NCOA3: variants seen among roughly 807,000 people sequenced by gnomAD.
NCOA3 encodes CBP-interacting protein.
Under a neutral mutation model 158.8 loss-of-function variants are expected in NCOA3, and 51 were observed. That is an observed-to-expected ratio of 0.32 (90% CI 0.26 to 0.41). NCOA3 has a LOEUF of 0.41. Ranked by LOEUF, NCOA3 falls within the 10% of genes least tolerant of loss-of-function variation. The pLI, the probability that NCOA3 is intolerant of heterozygous loss-of-function variation, is 1.00. For synonymous variants in NCOA3, 537 were observed against 592.4 expected (o/e 0.91, Z 1.36); for missense variants, 1,510 against 1,746.6 (o/e 0.86, Z 2.41).
rs911974806 is a variant in NCOA3 at position 47,627,116 on chromosome 20, T to C, written c.472T>C (p.Tyr158His). The C allele has an allele frequency of 1.9e-6, 3 of 1,612,300 alleles. No homozygotes were observed. In the African/African-American group the frequency reaches 4.0e-5, roughly 22 times the overall value. The change falls in exon 6 of 23, where the codon TAC becomes CAC. Residue 158 changes from tyrosine to histidine, a missense_variant. Transcript: ENST00000371998. ...KQEDLVNTSV[Y>H]NILHEEDRKD... is the part of the protein sequence containing the mutation. Reference sequence around the variant, plus strand: ...AGAGGACCTGGTTAACACAAGTGTTTACAATATCTTACATGAAGAAGACAG... The same window carrying C: ...AGAGGACCTGGTTAACACAAGTGTTCACAATATCTTACATGAAGAAGACAG...
intron 1 of NCOA3, among the ~76,000 whole-genome samples, chr20:47,555,632 G>GTTT (rs74178745): frequency 0.018 from 1,139 of 64,198 alleles, 31 homozygotes; most frequent in Non-Finnish European, 0.022. Context: ...CTATTAAAGT[G>GTTT]TTTTTTTTTT....
intron 1 of NCOA3, among the ~76,000 whole-genome samples, chr20:47,504,478 C>CTTTT (rs58220390): frequency 6.4e-4 from 63 of 98,678 alleles, no homozygotes; most frequent in African/African-American, 2.2e-3. Context: ...CTAAGTGTGT[C>CTTTT]TTTTTTTTTT....
intron 1 of NCOA3, among the ~76,000 whole-genome samples, chr20:47,522,606 C>T (rs1047073097): frequency 6.6e-6 from 1 of 151,922 alleles, no homozygotes; most frequent in East Asian, 1.9e-4. Flanking sequence ...GCATAGGGCT[C>T]GGGATTGGTT....
At chr20:47,545,175 T>G (rs1178488962) in intron 1 of NCOA3, among the ~76,000 whole-genome samples, 1 of 4,354 alleles carries the variant, frequency 2.3e-4, no homozygotes, top group Non-Finnish European at 3.7e-4. Context: ...ATCCATAGGA[T>G]TTTTTTTTTT....
rs189122832 is a variant in NCOA3, at chr20:47,580,058, G to A, written c.-98-3125G>A. Among the ~76,000 whole-genome samples, 672 of 152,164 alleles carry A rather than the reference G, an allele frequency of 4.4e-3. 4 individuals carry two copies. The highest frequency in any genetic ancestry group is 8.0e-3 in the Non-Finnish European group (547 of 68,006). ...ATGGTTGCATTCTTTGTTCATCTGG[G>A]CATGCTGACTTTACATGATCTTCCA... On this transcript the variant is annotated intron_variant, in intron 1 of 22. Coordinates refer to ENST00000371998, the MANE Select transcript of NCOA3 (RefSeq NM_181659.3).
intron 1 of NCOA3, among the ~76,000 whole-genome samples, chr20:47,578,111 G>A (rs1159344206): frequency 1.3e-5 from 2 of 151,864 alleles, no homozygotes; most frequent in South Asian, 4.1e-4. Flanking sequence ...AATGGACTAA[G>A]TAATGGGAAA....
intron 2 of NCOA3, among the ~76,000 whole-genome samples, chr20:47,596,612 G>T (rs191340842): frequency 6.6e-6 from 1 of 152,084 alleles, no homozygotes; most frequent in East Asian, 1.9e-4. Context: ...TTTAGACAGG[G>T]TCTCACACTG....
At chr20:47,511,520 T>G (rs866883152) in intron 1 of NCOA3, among the ~76,000 whole-genome samples, 1 of 34,264 alleles carries the variant, frequency 2.9e-5, no homozygotes, top group African/African-American at 7.5e-5. Context: ...TGTATCTCTC[T>G]CGAGATATAT....
intron 9 of NCOA3, 147 bp downstream of exon 9, chr20:47,633,783 AC>A: frequency 1.1e-6 from 1 of 932,120 alleles, no homozygotes; most frequent in Non-Finnish European, 1.6e-6. Context: ...GGTGCACACC[AC>A]CATACCTGGT....
chr20:47,560,643 CAG>C (rs1347634379), intron 1 of NCOA3, among the ~76,000 whole-genome samples: 2 of 152,148 alleles, frequency 1.3e-5, no homozygotes, highest in East Asian at 1.9e-4. Context: ...CCTGTAATAA[CAG>C]ATGATGTTCA....
intron 1 of NCOA3, among the ~76,000 whole-genome samples, chr20:47,546,661 T>A (rs1309451607): frequency 6.6e-6 from 1 of 151,960 alleles, no homozygotes; most frequent in Non-Finnish European, 1.5e-5. Flanking sequence ...CCTCTCGAGT[T>A]GCTGGGATTA....
chr20:47,595,809 T>C (rs1231119993), intron 2 of NCOA3, among the ~76,000 whole-genome samples: 1 of 152,166 alleles, frequency 6.6e-6, no homozygotes, highest in African/African-American at 2.4e-5. Flanking sequence ...GATGTCTCAG[T>C]GTTTTCAAGT....
intron 2 of NCOA3, among the ~76,000 whole-genome samples, chr20:47,587,310 G>A (rs1385984368): frequency 6.6e-6 from 1 of 152,136 alleles, no homozygotes; most frequent in Non-Finnish European, 1.5e-5. Context: ...TGTCCTTGTG[G>A]GGAATAAAAG....
chr20:47,504,021 A>G (rs1713194000), intron 1 of NCOA3, among the ~76,000 whole-genome samples: 1 of 152,202 alleles, frequency 6.6e-6, no homozygotes, highest in Non-Finnish European at 1.5e-5. Flanking sequence ...ATATTTCTAG[A>G]GCAGTTATAG....
intron 8 of NCOA3, among the ~76,000 whole-genome samples, chr20:47,632,820 C>T (rs1201333467): frequency 1.3e-5 from 2 of 150,898 alleles, no homozygotes; most frequent in Non-Finnish European, 2.9e-5. Context: ...GTAGCTGGGA[C>T]TACAGGCGCA....
chr20:47,612,126 C>T (rs1163296283), intron 2 of NCOA3, among the ~76,000 whole-genome samples: 1 of 152,134 alleles, frequency 6.6e-6, no homozygotes, highest in African/African-American at 2.4e-5. Context: ...CACACCCAGC[C>T]AAATTATTTC....
intron 1 of NCOA3, among the ~76,000 whole-genome samples, chr20:47,521,808 G>A (rs945640102): frequency 6.6e-6 from 1 of 152,194 alleles, no homozygotes; most frequent in African/African-American, 2.4e-5. Context: ...ATAGATTATG[G>A]AGGTCTTGAA....
At chr20:47,616,216 G>A (rs1040732590) in intron 2 of NCOA3, among the ~76,000 whole-genome samples, 2 of 141,332 alleles carry the variant, frequency 1.4e-5, no homozygotes, top group African/African-American at 5.3e-5. Flanking sequence ...TTTTTTGGAC[G>A]GAGTTTCATT....
At chr20:47,515,095 T>A (rs2084210954) in intron 1 of NCOA3, among the ~76,000 whole-genome samples, 1 of 152,070 alleles carries the variant, frequency 6.6e-6, no homozygotes, top group South Asian at 2.1e-4. Context: ...TAATGTATAT[T>A]AAGCATTTAA....
Sources: allele counts gnomAD v4.1 joint callset (sites outside exome capture counted in the v4.1 genomes callset), GRCh38; gene constraint gnomAD v4.1.1; transcripts MANE v1.5; gene names NCBI Gene and HGNC (gene_info 2026-07-23, HGNC 2026-07-21).